Variants in GGN observed in about 807,000 individuals in gnomAD.
GGN encodes gametogenetin.
A neutral mutation model predicts 35.5 loss-of-function variants in GGN; 27 were observed. That is an observed-to-expected ratio of 0.76 (90% confidence interval 0.56 to 1.05). The LOEUF (loss-of-function observed/expected upper bound fraction) is 1.05. Ranked by LOEUF, GGN falls within the 50% of genes least tolerant of loss-of-function variation. The pLI is 0.00. For synonymous variants in GGN, 425 were observed against 444.1 expected, an observed-to-expected ratio of 0.96 and a Z score of 0.54; for missense variants, 1,006 against 940.7, an observed-to-expected ratio of 1.07 and a Z score of -0.91.
rs758971805 is a variant in GGN, at chr19:38,386,461, C to T, written c.801G>A (p.Ser267=). 66 of 1,612,786 alleles carry T rather than the reference C, an allele frequency of 4.1e-5. No individual in the cohort carries two copies. Among genetic ancestry groups the T allele is most frequent in the Non-Finnish European group, 5.2e-5 (61 of 1,180,000 alleles). Reference sequence around the variant, plus strand: ...GGCCGCCGCCTCCGCCGCCCCCCAGCGAAGCTTTGGCTGCTAAGGAACTCG... The same window carrying T: ...GGCCGCCGCCTCCGCCGCCCCCCAGTGAAGCTTTGGCTGCTAAGGAACTCG... ...AASSSLAAKA[S]LGGGGGGGLF... The change falls in exon 3 of 4, where the codon TCG becomes TCA. Residue 267 remains serine, a synonymous_variant. Coordinates refer to ENST00000334928, the MANE Select transcript of GGN (RefSeq NM_152657.4).
chr19:38,386,222 G>A lies in GGN; in HGVS notation c.1040C>T (p.Ser347Leu). The A allele has an allele frequency of 6.8e-6, 11 of 1,607,868 alleles. No homozygotes were observed. Among genetic ancestry groups the A allele is most frequent in the Non-Finnish European group, 9.3e-6 (11 of 1,179,246 alleles). Residue 347 changes from serine to leucine, a missense_variant, in exon 3 of 4, where the codon TCG becomes TTG. Coordinates refer to ENST00000334928, the MANE Select transcript of GGN (RefSeq NM_152657.4). The stretch of plus-strand genomic sequence containing the variant: ...GCTAACCCAGTCGAATTTGGGCTTC[G>A]AGCCTGGGAAGGTGGTGTAGGGTGG... ...PPPPYTTFPGSKPKFDWVSAP... is the reference protein window; with the variant it reads ...PPPPYTTFPGLKPKFDWVSAP...
At position 38,386,777 on chromosome 19, in the gene GGN, G is replaced by A. The variant is rs1315586991; in HGVS notation, c.485C>T (p.Ser162Phe). 6.2e-7 allele frequency: 1 copy of A among 1,610,814 alleles called. No homozygotes were observed. Among genetic ancestry groups the A allele is most frequent in the Non-Finnish European group, 8.5e-7 (1 of 1,178,034 alleles). Reference sequence around the variant, plus strand: ...AGTCTCCAGGGGCGGCGGAAATTGGGATGGGGCCCTCGGGACAGTGTCCTT... The same window carrying A: ...AGTCTCCAGGGGCGGCGGAAATTGGAATGGGGCCCTCGGGACAGTGTCCTT... Reference protein sequence around the residue: ...SVKDTVPRAPSQFPPPLETWK... With the variant: ...SVKDTVPRAPFQFPPPLETWK... The change falls in exon 3 of 4, where the codon TCC becomes TTC. Residue 162 changes from serine (S) to phenylalanine (F), a missense_variant. Coordinates refer to ENST00000334928, the MANE Select transcript of GGN (RefSeq NM_152657.4).
Position 38,387,953 on chromosome 19 carries a change from G to A in GGN, c.-82+22C>T, listed in dbSNP as rs1216576893. 6.5e-6 allele frequency: 1 copy of A among 154,378 alleles called. No homozygotes were observed. The highest frequency in any genetic ancestry group is 1.9e-4 in the East Asian group (1 of 5,158). The allele number at this position is 154,378 out of a possible 1,614,324, so 9.6% of individuals were successfully genotyped here. A position where few individuals can be genotyped will look rare whatever the true frequency, so the allele number is the denominator to read the frequency against. The stretch of plus-strand genomic sequence containing the variant: ...AGGCCCCGCCCTCCTGCGAGCCCGC[G>A]GGAGCCCGGCCCCTTACGAACCTAG... On this transcript the variant is annotated intron_variant, in intron 1 of 3. Transcript: ENST00000334928. This position sits in a 1 kb window ranked among gnomAD's most constrained non-coding sequence, Gnocchi z 5.3.
At chr19:38,385,069 G>A (rs1322805173) in intron 3 of GGN, among the ~76,000 whole-genome samples, 1 of 152,130 alleles carries the variant, frequency 6.6e-6, no homozygotes, top group Non-Finnish European at 1.5e-5. Flanking sequence ...GAGTGGCCTC[G>A]GACGTGGTCC....
Position 38,384,543 on chromosome 19 carries a change from G to A in GGN, c.1842-14C>T. The stretch of plus-strand genomic sequence containing the variant: ...GATGTGCTCAGCCTAGTGGGGGAGG[G>A]TAGAGTCAGCAAAGCCCAGCAATGG... On this transcript the variant is annotated splice_polypyrimidine_tract_variant and intron_variant, in intron 3 of 3. Transcript: ENST00000334928. 6.2e-7 allele frequency: 1 copy of A among 1,603,424 alleles called. No homozygotes were observed. Among genetic ancestry groups the A allele is most frequent in the Non-Finnish European group, 8.5e-7 (1 of 1,170,870 alleles).
In GGN at chr19:38,386,278, C is replaced by A; in HGVS notation, c.984G>T (p.Ala328=). The part of the protein sequence containing the change: ...DGEGCSGPPS[A]PASQARALPP... Reference sequence around the variant, plus strand: ...GTAGGGCCCGGGCTTGGGACGCAGGCGCCGAGGGAGGACCAGAGCACCCTT... The same window carrying A: ...GTAGGGCCCGGGCTTGGGACGCAGGAGCCGAGGGAGGACCAGAGCACCCTT... The change falls in exon 3 of 4, where the codon GCG becomes GCT. Residue 328 remains alanine, a synonymous_variant. Transcript: ENST00000334928. The A allele has an allele frequency of 2.5e-6, 4 of 1,609,450 alleles. No individual in the cohort carries two copies. The highest frequency in any genetic ancestry group is 3.4e-6 in the Non-Finnish European group (4 of 1,177,818).
upstream of GGN, among the ~76,000 whole-genome samples, chr19:38,388,242 T>G (rs1398979242): frequency 6.6e-6 from 1 of 151,396 alleles, no homozygotes; most frequent in Non-Finnish European, 1.5e-5. Flanking sequence ...ACCCTCTCCT[T>G]CCCCCCGGGC....
At position 38,387,213 on chromosome 19, in the gene GGN, C is replaced by T; in HGVS notation, c.49G>A (p.Val17Met). The change falls in exon 3 of 4, where the codon GTG becomes ATG. Residue 17 changes from valine (V) to methionine (M), a missense_variant. Physicochemically the swap from Val to Met is conservative, Grantham distance 21. Transcript: ENST00000334928. The surrounding 1 kb of genome is among the most constrained non-coding windows in gnomAD (Gnocchi z 5.3). Reference protein sequence around the residue: ...EPSAGGGSRKVQPSDRAPDSR... With the variant: ...EPSAGGGSRKMQPSDRAPDSR... ...TCGGGGGCGCGGTCCGAGGGCTGCA[C>T]TTTTCGGGAGCCCCCGCCCGCGGAT... 2 of 1,595,750 alleles carry T rather than the reference C, an allele frequency of 1.3e-6. No individual in the cohort carries two copies. The highest frequency in any genetic ancestry group is 1.3e-5 in the African/African-American group (1 of 74,528).
chr19:38,384,600 T>C, intron 3 of GGN, 71 bp from the exon 4 acceptor site: 4 of 1,094,582 alleles, frequency 3.7e-6, no homozygotes, highest in Non-Finnish European at 5.6e-6. Context: ...AGGGCCTCCC[T>C]GTCCCCATAT....
Position 38,387,221 on chromosome 19 carries a change from G to T in GGN, c.41C>A (p.Ser14Tyr). 1 of 1,595,340 alleles carries T rather than the reference G, an allele frequency of 6.3e-7. No homozygotes were observed. The change falls in exon 3 of 4, where the codon TCC (serine) becomes TAC (tyrosine). Residue 14 changes from serine (S) to tyrosine (Y), a missense_variant. By Grantham distance (144) the Ser-to-Tyr change is moderately radical. Transcript: ENST00000334928. The surrounding 1 kb of genome is among the most constrained non-coding windows in gnomAD (Gnocchi z 5.3). The part of the protein sequence containing the change: ...LQSEPSAGGG[S>Y]RKVQPSDRAP... ...GCGGTCCGAGGGCTGCACTTTTCGG[G>T]AGCCCCCGCCCGCGGATGGCTCCGA...
Position 38,385,528 on chromosome 19 carries a change from G to A in GGN, c.1734C>T (p.Arg578=), listed in dbSNP as rs145112886. Reference sequence around the variant, plus strand: ...GGAAGGGCAGCCAGTGGCGCGCAGCGCGGGTGTTAGCTGCCCCAGTCTGAG... The same window carrying A: ...GGAAGGGCAGCCAGTGGCGCGCAGCACGGGTGTTAGCTGCCCCAGTCTGAG... ...GASQTGAANT[R]AARHWLPFQV... Residue 578 remains arginine, a synonymous_variant, in exon 3 of 4, where the codon CGC becomes CGT. Coordinates refer to ENST00000334928, the MANE Select transcript of GGN (RefSeq NM_152657.4). The A allele has an allele frequency of 3.1e-6, 5 of 1,613,982 alleles. No homozygotes were observed. In the African/African-American group the frequency reaches 5.3e-5, roughly 17 times the overall value.
chr19:38,386,239 G>T lies in GGN; in HGVS notation c.1023C>A (p.Tyr341Ter). ...SQARALPPPP[Y>*]TTFPGSKPKF... is the part of the protein sequence containing the mutation. ...TGGGCTTCGAGCCTGGGAAGGTGGT[G>T]TAGGGTGGCGGCGGTAGGGCCCGGG... Residue 341 changes from tyrosine (Y) to a stop codon, truncating the protein, a stop_gained, in exon 3 of 4, where the codon TAC (tyrosine) becomes TAA (stop). Transcript: ENST00000334928. LOFTEE classifies it high-confidence loss of function. The T allele has an allele frequency of 6.2e-7, 1 of 1,609,694 alleles. No homozygotes were observed. Among genetic ancestry groups the T allele is most frequent in the Non-Finnish European group, 8.5e-7 (1 of 1,179,268 alleles).
At position 38,387,066 on chromosome 19, in the gene GGN, G is replaced by T; in HGVS notation, c.196C>A (p.Pro66Thr). 1.9e-6 allele frequency: 3 copies of T among 1,557,110 alleles called. No homozygotes were observed. Among genetic ancestry groups the T allele is most frequent in the South Asian group, 1.2e-5 (1 of 84,562 alleles). Residue 66 changes from proline to threonine, a missense_variant, in exon 3 of 4, where the codon CCC becomes ACC. By Grantham distance (38) the Pro-to-Thr change is conservative. Transcript: ENST00000334928. This position sits in a 1 kb window ranked among gnomAD's most constrained non-coding sequence, Gnocchi z 5.3. ...GGCAGGGTCGAGGGTGAGGCCTGGGGCTCCCGGGGTACCATGAGTCCCGGG... is the reference window on the plus strand; with the variant it reads ...GGCAGGGTCGAGGGTGAGGCCTGGGTCTCCCGGGGTACCATGAGTCCCGGG... ...TPPGLMVPRE[P>T]QASPSTLPLT...
chr19:38,384,967 T>A (rs1363607524), intron 3 of GGN, among the ~76,000 whole-genome samples: 1 of 151,954 alleles, frequency 6.6e-6, no homozygotes, highest in African/African-American at 2.4e-5. Flanking sequence ...GGGTCAGGAG[T>A]CCAGGGCTGC....
rs780456511 is a variant in GGN at position 38,385,784 on chromosome 19, G to T, written c.1478C>A (p.Ala493Asp). 3 of 1,555,762 alleles carry T rather than the reference G, an allele frequency of 1.9e-6. No homozygotes were observed. In the African/African-American group the frequency reaches 4.1e-5, roughly 21 times the overall value. ...ALPPALAADQAPAPSPAPAPT... is the reference protein window; with the variant it reads ...ALPPALAADQDPAPSPAPAPT... Reference sequence around the variant, plus strand: ...AGCTGGAGCCGGGGATGGGGCCGGGGCCTGGTCGGCGGCTAAGGCTGGGGG... The same window carrying T: ...AGCTGGAGCCGGGGATGGGGCCGGGTCCTGGTCGGCGGCTAAGGCTGGGGG... The change falls in exon 3 of 4, where the codon GCC becomes GAC. Residue 493 changes from alanine to aspartate, a missense_variant. Ala to Asp is a moderately radical substitution (Grantham distance 126). Transcript: ENST00000334928.
Position 38,386,004 on chromosome 19 carries a change from C to A in GGN, c.1258G>T (p.Ala420Ser), listed in dbSNP as rs1970711707. The A allele has an allele frequency of 6.2e-7, 1 of 1,607,478 alleles. No individual in the cohort carries two copies. The highest frequency in any genetic ancestry group is 1.3e-5 in the African/African-American group (1 of 74,760). ...CGCATGGGCTCGCCATTGGTGGGTGCTGGGAAGATGAACGTAGGCGGCGCC... is the reference window on the plus strand; with the variant it reads ...CGCATGGGCTCGCCATTGGTGGGTGATGGGAAGATGAACGTAGGCGGCGCC... ...LLAPPTFIFPAPTNGEPMRPG... is the reference protein window; with the variant it reads ...LLAPPTFIFPSPTNGEPMRPG... The change falls in exon 3 of 4, where the codon GCA (alanine) becomes TCA (serine). Residue 420 changes from alanine (A) to serine (S), a missense_variant. Coordinates refer to ENST00000334928, the MANE Select transcript of GGN (RefSeq NM_152657.4).
At position 38,387,534 on chromosome 19, in the gene GGN, C is replaced by A. The variant is rs1006689129; in HGVS notation, c.-20+227G>T. On this transcript the variant is annotated intron_variant, in intron 2 of 3. Coordinates refer to ENST00000334928, the MANE Select transcript of GGN (RefSeq NM_152657.4). This position sits in a 1 kb window ranked among gnomAD's most constrained non-coding sequence, Gnocchi z 5.3. ...TGTACTAAGGTTCCATGCCTGTCCCCTTGGCTGGTCATGCTGATCCCTCAG... is the reference window on the plus strand; with the variant it reads ...TGTACTAAGGTTCCATGCCTGTCCCATTGGCTGGTCATGCTGATCCCTCAG... 5.9e-5 allele frequency among the ~76,000 whole-genome samples: 9 copies of A among 152,150 alleles called. No individual in the cohort carries two copies. Among genetic ancestry groups the A allele is most frequent in the Non-Finnish European group, 8.8e-5 (6 of 67,992 alleles).
intron 3 of GGN, 49 bp downstream of exon 3, chr19:38,385,370 CTA>C (rs765412950): frequency 3.7e-6 from 6 of 1,610,436 alleles, no homozygotes; most frequent in East Asian, 4.5e-5. Context: ...GAGTAGGACT[CTA>C]TCCAGCAGTC....
In GGN at chr19:38,384,396, G is replaced by C; in HGVS notation, c.*16C>G. ...TGGCATGGAGGGGAAGGTGGAGGGT[G>C]TTGAGCCGACTACACTCAGTTGGAA... On this transcript the variant is annotated 3_prime_UTR_variant, in exon 4 of 4. Transcript: ENST00000334928. The C allele has an allele frequency of 2.5e-6, 4 of 1,577,336 alleles. No individual in the cohort carries two copies. The highest frequency in any genetic ancestry group is 3.5e-6 in the Non-Finnish European group (4 of 1,146,968).
Sources: gnomAD v4.1 joint callset for allele counts (sites outside exome capture counted in the v4.1 genomes callset) on GRCh38, gnomAD v4.1.1 for gene constraint, Gnocchi (gnomAD v3.1) non-coding constraint, MANE v1.5 for transcripts, NCBI Gene and HGNC (gene_info 2026-07-23, HGNC 2026-07-21) for gene names.